The following CYRIA variants were observed in gnomAD, a reference collection of about 807,000 sequenced individuals.
The protein encoded by CYRIA is CYFIP-related Rac1 interactor A.
In CYRIA, 15 loss-of-function variants were observed where a neutral mutation model predicts 43.9. The observed-to-expected ratio is 0.34, with a 90% CI of 0.23 to 0.53. The LOEUF is 0.53. Ranked by LOEUF, CYRIA falls within the 20% of genes least tolerant of loss-of-function variation. CYRIA has a pLI of 0.94. For missense variants in CYRIA, 236 were observed against 394.2 expected (o/e 0.60, Z 3.40); for synonymous variants, 117 against 136.0 (o/e 0.86, Z 0.97).
chr2:16,601,657 G>A (rs1160199117), intron 2 of CYRIA, among the ~76,000 whole-genome samples: 1 of 149,360 alleles, frequency 6.7e-6, no homozygotes, highest in Non-Finnish European at 1.5e-5. Context: ...AGGCTATTCA[G>A]TGGAAAACCA....
intron 1 of CYRIA, among the ~76,000 whole-genome samples, chr2:16,624,701 T>C (rs1393700194): frequency 6.6e-6 from 1 of 152,214 alleles, no homozygotes; most frequent in African/African-American, 2.4e-5. Context: ...GCAGGGTTTT[T>C]TTCCTGGCTC....
chr2:16,652,388 G>C (rs113087624), intron 1 of CYRIA, among the ~76,000 whole-genome samples: 2,028 of 152,212 alleles, frequency 0.013, 52 homozygotes, highest in African/African-American at 0.044. Context: ...GCCTCCAGAG[G>C]TCCCTGAGCC....
intron 1 of CYRIA, among the ~76,000 whole-genome samples, chr2:16,654,532 C>T (rs1394120364): frequency 1.3e-5 from 2 of 152,080 alleles, no homozygotes; most frequent in Admixed American, 6.6e-5. Flanking sequence ...GGAAGCAGTG[C>T]GAGCTGTGTG....
chr2:16,602,440 C>T (rs1034031598), intron 2 of CYRIA, among the ~76,000 whole-genome samples: 1 of 152,062 alleles, frequency 6.6e-6, no homozygotes, highest in African/African-American at 2.4e-5. Flanking sequence ...TATATAATTT[C>T]ACATCTTTGT....
At chr2:16,562,173 G>C in intron 5 of CYRIA, 32 bp from the exon 6 acceptor site, 1 of 1,595,428 alleles carries the variant, frequency 6.3e-7, no homozygotes, top group Non-Finnish European at 8.5e-7. Flanking sequence ...AGATATGTTG[G>C]AGGTGGCCCA....
chr2:16,608,030 G>A (rs1399270757), intron 2 of CYRIA, among the ~76,000 whole-genome samples: 1 of 152,012 alleles, frequency 6.6e-6, no homozygotes, highest in Non-Finnish European at 1.5e-5. Context: ...ATTCTTGCAG[G>A]GGCTATCTCT....
At chr2:16,664,605 G>A (rs1053439366) in intron 1 of CYRIA, among the ~76,000 whole-genome samples, 2 of 152,166 alleles carry the variant, frequency 1.3e-5, no homozygotes, top group Non-Finnish European at 2.9e-5. Flanking sequence ...GCCCAGACCT[G>A]GCTAGCAGCC....
At chr2:16,587,516 T>C (rs947681057) in intron 3 of CYRIA, among the ~76,000 whole-genome samples, 8 of 151,966 alleles carry the variant, frequency 5.3e-5, no homozygotes, top group African/African-American at 1.9e-4. Flanking sequence ...TTGGATTTCT[T>C]AAAAATTAGG....
chr2:16,593,384 G>T (rs1481252070), intron 2 of CYRIA, among the ~76,000 whole-genome samples: 1 of 151,940 alleles, frequency 6.6e-6, no homozygotes, highest in Non-Finnish European at 1.5e-5. Context: ...ACATTTTCTT[G>T]TTTCATATTC....
intron 1 of CYRIA, among the ~76,000 whole-genome samples, chr2:16,638,920 T>C (rs1025815451): frequency 1.3e-5 from 2 of 152,134 alleles, no homozygotes; most frequent in African/African-American, 4.8e-5. Context: ...CCTCCATATC[T>C]CAAAAGTGTT....
intron 1 of CYRIA, among the ~76,000 whole-genome samples, chr2:16,632,060 G>A (rs1669343371): frequency 6.6e-6 from 1 of 152,226 alleles, no homozygotes; most frequent in Non-Finnish European, 1.5e-5. Context: ...ACTGTCAGGT[G>A]GCTTCTGTTG....
chr2:16,619,052 C>A (rs1480086462), intron 2 of CYRIA, among the ~76,000 whole-genome samples: 1 of 152,184 alleles, frequency 6.6e-6, no homozygotes, highest in African/African-American at 2.4e-5. Context: ...AAGCCATTTC[C>A]TCCCTGAGCT....
intron 1 of CYRIA, among the ~76,000 whole-genome samples, chr2:16,647,582 C>T (rs1669853668): frequency 6.6e-6 from 1 of 152,168 alleles, no homozygotes; most frequent in Admixed American, 6.5e-5. Flanking sequence ...ACTACAAGGC[C>T]CTGCAGGTCC....
At chr2:16,659,362 G>A (rs1346415276) in intron 1 of CYRIA, among the ~76,000 whole-genome samples, 2 of 152,178 alleles carry the variant, frequency 1.3e-5, no homozygotes, top group Non-Finnish European at 2.9e-5. Flanking sequence ...TAACACCTCT[G>A]GACTTCCATT....
chr2:16,558,820 GA>G (rs144347639), intron 10 of CYRIA, among the ~76,000 whole-genome samples: 5,168 of 152,212 alleles, frequency 0.034, 266 homozygotes, highest in African/African-American at 0.1. Context: ...GAGGGAGTCA[GA>G]AAATACAGAA....
intron 1 of CYRIA, among the ~76,000 whole-genome samples, chr2:16,648,415 A>G (rs940943040): frequency 6.6e-6 from 1 of 152,140 alleles, no homozygotes; most frequent in African/African-American, 2.4e-5. Context: ...CACTATGTCA[A>G]TACTGTCCCT....
chr2:16,583,105 G>A (rs1667606694), intron 3 of CYRIA, among the ~76,000 whole-genome samples: 1 of 152,068 alleles, frequency 6.6e-6, no homozygotes, highest in African/African-American at 2.4e-5. Flanking sequence ...TTTCCTTCAT[G>A]ACTAATGATA....
In CYRIA at chr2:16,600,380, G is replaced by T. The variant is rs112998608; in HGVS notation, c.-10-12251C>A. Among the ~76,000 whole-genome samples, 237 of 152,256 alleles carry T rather than the reference G, an allele frequency of 1.6e-3. 1 individual carries two copies. Among genetic ancestry groups the T allele is most frequent in the African/African-American group, 5.6e-3 (231 of 41,550 alleles). ...AAAAGGCAATCTGATAACAGTTTGG[G>T]TGGCAAGTTTCTTCTTCCTCCTTTG... is the stretch of plus-strand genomic sequence containing the variant. On this transcript the variant is annotated intron_variant, in intron 2 of 11. Transcript: ENST00000381323.
chr2:16,582,682 C>G (rs1265607290), intron 3 of CYRIA, among the ~76,000 whole-genome samples: 1 of 152,120 alleles, frequency 6.6e-6, no homozygotes, highest in Non-Finnish European at 1.5e-5. Context: ...TGTCATATCA[C>G]CTATCAGTAC....
Sources: allele counts gnomAD v4.1 joint callset (sites outside exome capture counted in the v4.1 genomes callset), GRCh38; gene constraint gnomAD v4.1.1; transcripts MANE v1.5; gene names NCBI Gene and HGNC (gene_info 2026-07-23, HGNC 2026-07-21).